ADAMTS18: variants seen among roughly 807,000 people sequenced by gnomAD.
ADAMTS18 encodes the protein A disintegrin and metalloproteinase with thrombospondin motifs 18.
ADAMTS18 carries 157 observed loss-of-function variants against 165.9 expected under a neutral mutation model. The ratio of observed to expected loss-of-function variants is 0.95; its 90% CI spans 0.83 to 1.08. ADAMTS18 has a LOEUF of 1.08. Ranked by LOEUF, ADAMTS18 falls within the 50% of genes least tolerant of loss-of-function variation. The pLI is 0.00. For synonymous variants in ADAMTS18, 782 were observed against 578.2 expected (o/e 1.35, Z -5.06); for missense variants, 2,040 against 1,534.0 (o/e 1.33, Z -5.51).
intron 3 of ADAMTS18, among the ~76,000 whole-genome samples, chr16:77,403,354 T>C (rs2057355013): frequency 6.9e-6 from 1 of 144,570 alleles, no homozygotes. Context: ...AGGTAGGCAG[T>C]ATGAAGAGTA....
At position 77,300,341 on chromosome 16, in the gene ADAMTS18, C is replaced by T; in HGVS notation, c.2596G>A (p.Gly866Arg). The T allele has an allele frequency of 6.2e-7, 1 of 1,614,032 alleles. No homozygotes were observed. The highest frequency in any genetic ancestry group is 1.1e-5 in the South Asian group (1 of 91,066). ...GGTCTTTTTGTGGCTGGTGGAGTTC[C>T]ATTCATGACCTTGGGAAGTGCATAC... ...WKYALPKVMNGTPPATKRPAY... is the reference protein window; with the variant it reads ...WKYALPKVMNRTPPATKRPAY... Residue 866 changes from glycine to arginine, a missense_variant, in exon 17 of 23, where the codon GGA (glycine) becomes AGA (arginine). By Grantham distance (125) the Gly-to-Arg change is moderately radical (BLOSUM62 -2). Transcript: ENST00000282849.
chr16:77,296,513 G>C (rs531086136), intron 18 of ADAMTS18, among the ~76,000 whole-genome samples: 57 of 152,256 alleles, frequency 3.7e-4, no homozygotes, highest in Admixed American at 1.8e-3. Context: ...ATATCTGTCT[G>C]ATTCCATTCA....
intron 12 of ADAMTS18, among the ~76,000 whole-genome samples, chr16:77,329,252 T>C (rs986824952): frequency 7.2e-5 from 11 of 152,088 alleles, no homozygotes; most frequent in African/African-American, 1.7e-4. Context: ...ACTACAGGCA[T>C]GTGCCACCAT....
intron 16 of ADAMTS18, among the ~76,000 whole-genome samples, chr16:77,319,143 C>G (rs1384337045): frequency 6.6e-6 from 1 of 152,134 alleles, no homozygotes; most frequent in African/African-American, 2.4e-5. Context: ...TCTGCTGACA[C>G]CCAGGCAAGC....
At chr16:77,284,674 T>A (rs1820253) in intron 22 of ADAMTS18, among the ~76,000 whole-genome samples, 1 of 151,972 alleles carries the variant, frequency 6.6e-6, no homozygotes, top group South Asian at 2.1e-4. Flanking sequence ...CCAAGATCAA[T>A]GTCTGATCCT....
intron 3 of ADAMTS18, among the ~76,000 whole-genome samples, chr16:77,414,966 A>G (rs1035666999): frequency 1.3e-5 from 2 of 152,240 alleles, no homozygotes; most frequent in Non-Finnish European, 2.9e-5. Context: ...TGTATTTACT[A>G]CTTTAAAAGC....
chr16:77,363,881 G>T lies in ADAMTS18; in HGVS notation c.977C>A (p.Ser326Tyr). The change falls in exon 6 of 23, where the codon TCT (serine) becomes TAT (tyrosine). Residue 326 changes from serine to tyrosine, a missense_variant. Coordinates refer to ENST00000282849, the MANE Select transcript of ADAMTS18 (RefSeq NM_199355.4). The part of the protein sequence containing the change: ...TYILTVMNMV[S>Y]GLFKDGTIGS... ...AATAGTCCCATCTTTAAATAGGCCA[G>T]AAACCTGTTGGAACAATGGAAATCA... The T allele has an allele frequency of 6.2e-7, 1 of 1,613,908 alleles. No homozygotes were observed.
intron 3 of ADAMTS18, among the ~76,000 whole-genome samples, chr16:77,408,047 G>C (rs1009907831): frequency 6.6e-6 from 1 of 151,860 alleles, no homozygotes; most frequent in African/African-American, 2.4e-5. Flanking sequence ...ATAGAAAAAT[G>C]GCAAAAAACT....
At chr16:77,297,797 C>G (rs1041298911) in intron 17 of ADAMTS18, among the ~76,000 whole-genome samples, 3 of 151,742 alleles carry the variant, frequency 2.0e-5, no homozygotes, top group African/African-American at 2.4e-5. Flanking sequence ...TATGGAAACC[C>G]TAAGATTTTG....
At chr16:77,300,165 G>A (rs2055553197) in intron 17 of ADAMTS18, 98 bp downstream of exon 17, 2 of 1,410,572 alleles carry the variant, frequency 1.4e-6, no homozygotes, top group African/African-American at 2.8e-5. Flanking sequence ...CAGTTCTTGG[G>A]TGGCTTATTT....
chr16:77,375,535 G>T (rs2056937390), intron 3 of ADAMTS18, among the ~76,000 whole-genome samples: 1 of 152,180 alleles, frequency 6.6e-6, no homozygotes, highest in African/African-American at 2.4e-5. Context: ...TCCTCTCCTG[G>T]TCCACGATGG....
intron 3 of ADAMTS18, among the ~76,000 whole-genome samples, chr16:77,429,353 C>G (rs62043626): frequency 9.2e-5 from 14 of 152,208 alleles, no homozygotes; most frequent in African/African-American, 2.6e-4. Flanking sequence ...TCAAATCCCA[C>G]GTTCTCACTT....
In ADAMTS18 at chr16:77,431,277, A is replaced by G; in HGVS notation, c.495+18T>C. ...AAACACGAAAGAGGGAGCTCAACTC[A>G]GACTGGGGTGTACTTACCAAGCCAG... On this transcript the variant is annotated intron_variant, in intron 3 of 22. Coordinates refer to ENST00000282849, the MANE Select transcript of ADAMTS18 (RefSeq NM_199355.4). The G allele has an allele frequency of 6.2e-7, 1 of 1,614,110 alleles. No individual in the cohort carries two copies. The highest frequency in any genetic ancestry group is 8.5e-7 in the Non-Finnish European group (1 of 1,179,974).
intron 4 of ADAMTS18, among the ~76,000 whole-genome samples, chr16:77,364,809 G>A (rs116000717): frequency 0.017 from 2,454 of 147,574 alleles, 65 homozygotes; most frequent in African/African-American, 0.062. Context: ...AAGAAAAGAA[G>A]AGAAAAGAGC....
In ADAMTS18 at chr16:77,291,445, T is replaced by C; in HGVS notation, c.3223A>G (p.Arg1075Gly). The C allele has an allele frequency of 6.2e-7, 1 of 1,614,144 alleles. No individual in the cohort carries two copies. ...SATCGLGVRK[R>G]EMKCSEKGFQ... ...CCCTTCTCGCTGCACTTCATCTCCC[T>C]CTTCCTCACACCCAAACCACAGGTT... The change falls in exon 21 of 23, where the codon AGG (arginine) becomes GGG (glycine). Residue 1075 changes from arginine to glycine, a missense_variant. Physicochemically the swap from Arg to Gly is moderately radical, Grantham distance 125 (BLOSUM62 -2). Transcript: ENST00000282849.
chr16:77,322,200 G>T, intron 14 of ADAMTS18, 136 bp downstream of exon 14: 45 of 648,160 alleles, frequency 6.9e-5, no homozygotes, highest in Middle Eastern at 4.5e-4. Context: ...CGAATCCAGT[G>T]AAACACTTTG....
intron 3 of ADAMTS18, among the ~76,000 whole-genome samples, chr16:77,382,694 G>A (rs1026601465): frequency 6.6e-6 from 1 of 152,172 alleles, no homozygotes; most frequent in Non-Finnish European, 1.5e-5. Flanking sequence ...GTTATCATTT[G>A]GAAAACACAT....
rs770824755 is a variant in ADAMTS18, at chr16:77,300,372, A to T, written c.2565T>A (p.Ala855=). ...ILMQGKNPGI[A]WKYALPKVMN... is the part of the protein sequence containing the mutation. The stretch of plus-strand genomic sequence containing the variant: ...TGACCTTGGGAAGTGCATACTTCCA[A>T]GCTATCCCTGGATTTTTGCCTTGCA... The change falls in exon 17 of 23, where the codon GCT becomes GCA. Residue 855 remains alanine (A), a synonymous_variant. Coordinates refer to ENST00000282849, the MANE Select transcript of ADAMTS18 (RefSeq NM_199355.4). 50 of 1,614,008 alleles carry T rather than the reference A, an allele frequency of 3.1e-5. 1 individual carries two copies. The East Asian group carries it at 1.1e-3, about 36-fold the overall frequency.
rs866995773 is a variant in ADAMTS18, at chr16:77,320,790, T to G, written c.2287+289A>C. Among the ~76,000 whole-genome samples the G allele has an allele frequency of 4.1e-4, 63 of 152,322 alleles. 1 individual carries two copies. Among genetic ancestry groups the G allele is most frequent in the Middle Eastern group, 3.4e-3 (1 of 294 alleles). ...GCACTGTGAGTAGAGATCACATAAG[T>G]TTCACAATGTTTCTTTGCTTAACAA... On this transcript the variant is annotated intron_variant, in intron 15 of 22. Coordinates refer to ENST00000282849, the MANE Select transcript of ADAMTS18 (RefSeq NM_199355.4).
Sources: allele counts gnomAD v4.1 joint callset (sites outside exome capture counted in the v4.1 genomes callset), GRCh38; gene constraint gnomAD v4.1.1; transcripts MANE v1.5; gene names NCBI Gene and HGNC (gene_info 2026-07-23, HGNC 2026-07-21).